The following HIVEP1 variants were observed in gnomAD, a reference collection of about 807,000 sequenced individuals.
HIVEP1 encodes the protein HIVEP zinc finger 1.
HIVEP1 carries 36 observed loss-of-function variants against 180.0 expected under a neutral mutation model. The observed-to-expected ratio is 0.20, with a 90% CI of 0.15 to 0.26. The LOEUF (loss-of-function observed/expected upper bound fraction) is 0.26. HIVEP1 is among the 10% of genes least tolerant of loss of function. The pLI is 1.00. For synonymous variants in HIVEP1, 1,239 were observed against 1,239.0 expected, an observed-to-expected ratio of 1.00 and a Z score of 0.00; for missense variants, 3,143 against 3,268.7, an observed-to-expected ratio of 0.96 and a Z score of 0.94.
In HIVEP1 at chr6:12,125,693, T is replaced by G. The variant is rs778220673; in HGVS notation, c.5898T>G (p.Thr1966=). Reference sequence around the variant, plus strand: ...AGGACCAGAAAACTTCAGCCTATACTGATTGGACAGTAAGCGCCAGTAATC... The same window carrying G: ...AGGACCAGAAAACTTCAGCCTATACGGATTGGACAGTAAGCGCCAGTAATC... ...PQKDQKTSAY[T]DWTVSASNPN... Residue 1966 remains threonine (T), a synonymous_variant, in exon 4 of 9, where the codon ACT becomes ACG. Transcript: ENST00000379388. 1 of 1,614,222 alleles carries G rather than the reference T, an allele frequency of 6.2e-7. No homozygotes were observed. Among genetic ancestry groups the G allele is most frequent in the Admixed American group, 1.7e-5 (1 of 60,018 alleles).
At chr6:12,017,421 TGA>T (rs1767868409) in intron 2 of HIVEP1, among the ~76,000 whole-genome samples, 2 of 152,360 alleles carry the variant, frequency 1.3e-5, no homozygotes, top group East Asian at 3.9e-4. Context: ...ACCTTTGCGG[TGA>T]GTTTTATAGC....
At chr6:12,049,986 T>C (rs1770391027) in intron 2 of HIVEP1, among the ~76,000 whole-genome samples, 1 of 152,190 alleles carries the variant, frequency 6.6e-6, no homozygotes, top group Non-Finnish European at 1.5e-5. Context: ...TGATATGGGC[T>C]CTCTGGAGCA....
chr6:12,169,576 C>A (rs1760844500), downstream of HIVEP1, among the ~76,000 whole-genome samples: 1 of 152,100 alleles, frequency 6.6e-6, no homozygotes, highest in African/African-American at 2.4e-5. Flanking sequence ...TGACAATAGA[C>A]CACATCATAG....
chr6:12,178,094 A>G, the HIVEP1 span, among the ~76,000 whole-genome samples: 7 of 152,362 alleles, frequency 4.6e-5, no homozygotes, highest in East Asian at 1.3e-3. Flanking sequence ...CAAAACCCCA[A>G]AATCATGAAG....
chr6:12,043,492 G>T (rs1769914405), intron 2 of HIVEP1, among the ~76,000 whole-genome samples: 1 of 150,570 alleles, frequency 6.6e-6, no homozygotes, highest in African/African-American at 2.4e-5. Flanking sequence ...CTCCCAAATA[G>T]CTGGGATTAC....
At chr6:12,154,869 G>A (rs1218865381) in intron 7 of HIVEP1, among the ~76,000 whole-genome samples, 1 of 142,752 alleles carries the variant, frequency 7.0e-6, no homozygotes, top group African/African-American at 2.4e-5. Context: ...TCTAATGTTG[G>A]TAATTTGTAT....
At chr6:12,183,024 T>C in the HIVEP1 span, among the ~76,000 whole-genome samples, 43 of 152,322 alleles carry the variant, frequency 2.8e-4, no homozygotes, top group African/African-American at 9.1e-4. Context: ...AACTGCAGTA[T>C]AACATTATTC....
At chr6:12,194,057 G>GTGCAGTAAT in the HIVEP1 span, among the ~76,000 whole-genome samples, 1 of 5,100 alleles carries the variant, frequency 2.0e-4, no homozygotes, top group African/African-American at 2.3e-4. Context: ...GAATTGAGAT[G>GTGCAGTAAT]TTCAAAAATA....
downstream of HIVEP1, among the ~76,000 whole-genome samples, chr6:12,168,313 T>TATATACATATATACATATATA (rs70981670): frequency 0.61 from 69,182 of 112,760 alleles, 22,845 homozygotes; most frequent in Non-Finnish European, 0.67. Flanking sequence ...ATACATATAT[T>TATATACATATATACATATATA]ATATACATAT....
At chr6:12,186,831 A>G in the HIVEP1 span, among the ~76,000 whole-genome samples, 1 of 152,204 alleles carries the variant, frequency 6.6e-6, no homozygotes, top group East Asian at 1.9e-4. Context: ...TATGAAATAG[A>G]AATTTTCCAA....
intron 7 of HIVEP1, among the ~76,000 whole-genome samples, chr6:12,142,937 C>G (rs1481863472): frequency 6.6e-6 from 1 of 152,158 alleles, no homozygotes; most frequent in African/African-American, 2.4e-5. Flanking sequence ...GGATTTACAG[C>G]TGAATTCTAC....
chr6:12,070,706 A>G (rs1771913960), intron 2 of HIVEP1, among the ~76,000 whole-genome samples: 1 of 152,190 alleles, frequency 6.6e-6, no homozygotes, highest in Non-Finnish European at 1.5e-5. Context: ...TACAGTTTGA[A>G]CTTAAATTGA....
At position 12,153,049 on chromosome 6, in the gene HIVEP1, A is replaced by C. The variant is rs796413598; in HGVS notation, c.6488-8390A>C. ...GTCTTAACAATTTAAAATATTTATAATATAACTGATTCTTAAACTTTTATA... is the reference window on the plus strand; with the variant it reads ...GTCTTAACAATTTAAAATATTTATACTATAACTGATTCTTAAACTTTTATA... On this transcript the variant is annotated intron_variant, in intron 7 of 8. Transcript: ENST00000379388. Among the ~76,000 whole-genome samples, 94 of 152,364 alleles carry C rather than the reference A, an allele frequency of 6.2e-4. 4 individuals are homozygous for C. The highest frequency in any genetic ancestry group is 2.2e-3 in the African/African-American group (90 of 41,602).
chr6:12,102,024 A>G (rs1266481041), intron 3 of HIVEP1, among the ~76,000 whole-genome samples: 1 of 152,166 alleles, frequency 6.6e-6, no homozygotes, highest in African/African-American at 2.4e-5. Context: ...TCTAATGATG[A>G]AAGTGTCAAT....
At chr6:12,139,358 A>G (rs1758876747) in intron 7 of HIVEP1, among the ~76,000 whole-genome samples, 1 of 152,156 alleles carries the variant, frequency 6.6e-6, no homozygotes, top group Non-Finnish European at 1.5e-5. Flanking sequence ...GCCCTCTAGG[A>G]GGATTCCATT....
chr6:12,009,196 G>C (rs1027802366), upstream of HIVEP1, among the ~76,000 whole-genome samples: 1 of 147,374 alleles, frequency 6.8e-6, no homozygotes, highest in South Asian at 2.1e-4. Context: ...GCCGCGCCAG[G>C]GGGGTGCCTG....
At chr6:12,127,567 G>T (rs561861282) in intron 4 of HIVEP1, among the ~76,000 whole-genome samples, 1 of 152,208 alleles carries the variant, frequency 6.6e-6, no homozygotes, top group Non-Finnish European at 1.5e-5. Context: ...GGATGGAAGT[G>T]TGTAGAGTAG....
intron 2 of HIVEP1, among the ~76,000 whole-genome samples, chr6:12,022,214 A>G (rs1372598515): frequency 6.6e-6 from 1 of 151,728 alleles, no homozygotes; most frequent in East Asian, 1.9e-4. Context: ...TCTGTCACCC[A>G]GGCTGGAGTG....
At position 12,121,037 on chromosome 6, in the gene HIVEP1, A is replaced by G. The variant is rs1757611457; in HGVS notation, c.1242A>G (p.Ala414=). The change falls in exon 4 of 9, where the codon GCA becomes GCG. Residue 414 remains alanine (A), a synonymous_variant. Coordinates refer to ENST00000379388, the MANE Select transcript of HIVEP1 (RefSeq NM_002114.4). This position sits in a 1 kb window ranked among gnomAD's most constrained non-coding sequence, Gnocchi z 5.3. ...ATATTTGTGAGTATTGCAATAGAGC[A>G]TGTGCAAAGCCTAGTGTGCTTTTAA... ...GKYICEYCNR[A]CAKPSVLLKH... is the part of the protein sequence containing the mutation. 3 of 1,614,226 alleles carry G rather than the reference A, an allele frequency of 1.9e-6. No individual in the cohort carries two copies. In the East Asian group the frequency reaches 6.7e-5, roughly 36 times the overall value.
Sources: allele counts gnomAD v4.1 joint callset (sites outside exome capture counted in the v4.1 genomes callset), GRCh38; gene constraint gnomAD v4.1.1; non-coding constraint Gnocchi (gnomAD v3.1); transcripts MANE v1.5; gene names NCBI Gene and HGNC (gene_info 2026-07-23, HGNC 2026-07-21).